The following RARB variants were observed in gnomAD, a reference collection of about 807,000 sequenced individuals.
RARB encodes the protein HBV-activated protein.
Under a neutral mutation model 51.9 loss-of-function variants are expected in RARB, and 17 were observed. The ratio of observed to expected loss-of-function variants is 0.33; its 90% CI spans 0.22 to 0.49. The LOEUF (loss-of-function observed/expected upper bound fraction) is 0.49. Ranked by LOEUF, RARB falls within the 20% of genes least tolerant of loss-of-function variation. The probability of loss-of-function intolerance (pLI) is 0.99; values close to 1 mark genes in which losing one functional copy is unlikely to be tolerated. For synonymous variants in RARB, 215 were observed against 195.4 expected, an observed-to-expected ratio of 1.10 and a Z score of -0.84; for missense variants, 369 against 550.8, an observed-to-expected ratio of 0.67 and a Z score of 3.30.
At chr3:25,470,540 G>A (rs1695633482) in intron 2 of RARB, among the ~76,000 whole-genome samples, 1 of 152,190 alleles carries the variant, frequency 6.6e-6, no homozygotes, top group Non-Finnish European at 1.5e-5. Context: ...CCAGGCAAAA[G>A]TTGAAGATGG....
At chr3:25,327,219 A>T (rs1378091154) in intron 5 of RARB, among the ~76,000 whole-genome samples, 1 of 152,180 alleles carries the variant, frequency 6.6e-6, no homozygotes, top group Non-Finnish European at 1.5e-5. Flanking sequence ...AATGGGAAGA[A>T]ATTATTTTTT....
chr3:25,204,920 C>A (rs191606197), intron 5 of RARB, among the ~76,000 whole-genome samples: 8 of 152,286 alleles, frequency 5.3e-5, no homozygotes, highest in South Asian at 2.1e-4. Flanking sequence ...TCTCAAGCTG[C>A]GTGCTGGGAG....
At chr3:25,573,017 G>C (rs911331936) in intron 4 of RARB, among the ~76,000 whole-genome samples, 1 of 152,052 alleles carries the variant, frequency 6.6e-6, no homozygotes, top group Non-Finnish European at 1.5e-5. Context: ...CCACTCCTGC[G>C]AGCGGTCCCT....
intron 2 of RARB, among the ~76,000 whole-genome samples, chr3:25,471,037 T>G (rs1695661357): frequency 6.6e-6 from 1 of 152,238 alleles, no homozygotes; most frequent in South Asian, 2.1e-4. Flanking sequence ...TAAGATATAA[T>G]TGTATAATAA....
At chr3:25,136,602 A>G (rs778177997) in intron 4 of RARB, among the ~76,000 whole-genome samples, 4 of 152,124 alleles carry the variant, frequency 2.6e-5, no homozygotes, top group Non-Finnish European at 5.9e-5. Flanking sequence ...TGAAATGGCC[A>G]TAGAAAATCA....
intron 2 of RARB, among the ~76,000 whole-genome samples, chr3:25,017,545 C>G (rs887618585): frequency 6.6e-6 from 1 of 152,158 alleles, no homozygotes; most frequent in Non-Finnish European, 1.5e-5. Context: ...CACCTAATAA[C>G]TATCTTAACT....
chr3:25,589,317 G>C (rs1187946891), intron 5 of RARB, among the ~76,000 whole-genome samples: 1 of 152,196 alleles, frequency 6.6e-6, no homozygotes, highest in Non-Finnish European at 1.5e-5. Context: ...AAGTTCATGA[G>C]CAAAGGAAAG....
intron 5 of RARB, among the ~76,000 whole-genome samples, chr3:25,368,015 T>G (rs561955691): frequency 9.9e-5 from 15 of 152,264 alleles, no homozygotes; most frequent in African/African-American, 2.9e-4. Flanking sequence ...AAATATTTTT[T>G]AAGCCTAAGT....
chr3:25,405,289 AAGG>A, intron 5 of RARB, among the ~76,000 whole-genome samples: 1 of 152,236 alleles, frequency 6.6e-6, no homozygotes, highest in East Asian at 1.9e-4. Context: ...GAGGCTGTGG[AAGG>A]AGGATTGCTT....
intron 3 of RARB, among the ~76,000 whole-genome samples, chr3:25,130,639 G>T (rs899073358): frequency 6.6e-6 from 1 of 151,836 alleles, no homozygotes; most frequent in Non-Finnish European, 1.5e-5. Flanking sequence ...GGACCTGGGT[G>T]TGGGGGAATT....
intron 4 of RARB, among the ~76,000 whole-genome samples, chr3:25,172,183 G>T (rs189610543): frequency 3.2e-4 from 48 of 152,256 alleles, no homozygotes; most frequent in African/African-American, 1.1e-3. Context: ...CAAGGCCCTG[G>T]GGCAGATGTC....
At chr3:25,317,862 G>T (rs1049080565) in intron 5 of RARB, among the ~76,000 whole-genome samples, 3 of 152,132 alleles carry the variant, frequency 2.0e-5, no homozygotes, top group Admixed American at 2.0e-4. Flanking sequence ...TTTACACTAT[G>T]AATCACATGT....
At chr3:25,036,404 A>G (rs1697996318) in intron 2 of RARB, among the ~76,000 whole-genome samples, 1 of 152,162 alleles carries the variant, frequency 6.6e-6, no homozygotes, top group South Asian at 2.1e-4. Flanking sequence ...AATGTATAGC[A>G]TTTTTACTCT....
intron 1 of RARB, among the ~76,000 whole-genome samples, chr3:24,855,952 G>T (rs978490255): frequency 1.3e-5 from 2 of 151,884 alleles, no homozygotes; most frequent in Admixed American, 1.3e-4. Context: ...GGGTTTCACT[G>T]TGTTAGCCAG....
chr3:25,383,554 G>T (rs1002265156), intron 5 of RARB, among the ~76,000 whole-genome samples: 3 of 152,180 alleles, frequency 2.0e-5, no homozygotes, highest in South Asian at 2.1e-4. Context: ...TTTGTATGAT[G>T]ATGCAAATGT....
At chr3:25,589,723 T>C (rs1174289144) in intron 5 of RARB, among the ~76,000 whole-genome samples, 2 of 152,186 alleles carry the variant, frequency 1.3e-5, no homozygotes, top group Non-Finnish European at 2.9e-5. Flanking sequence ...AGAAGGCTCT[T>C]TTTGCCCTGA....
rs547919837 is a variant in RARB at position 25,310,476 on chromosome 3, G to C, written c.178+135901G>C. ...AAAAGTCTCTACCCTTGTGGAAATA[G>C]GGGGTTTGGACATTTCATGTAGTAA... On this transcript the variant is annotated intron_variant, in intron 5 of 11. Transcript: ENST00000383772. Among the ~76,000 whole-genome samples the C allele has an allele frequency of 8.5e-5, 13 of 152,296 alleles. 1 individual carries two copies. The highest frequency in any genetic ancestry group is 5.9e-4 in the Admixed American group (9 of 15,300).
At chr3:24,921,977 G>T (rs754264533) in intron 2 of RARB, among the ~76,000 whole-genome samples, 2 of 152,150 alleles carry the variant, frequency 1.3e-5, no homozygotes, top group Non-Finnish European at 2.9e-5. Flanking sequence ...AGATCTCAGC[G>T]GACAGTACTG....
At position 25,434,803 on chromosome 3, in the gene RARB, G is replaced by C. The variant is rs537450670; in HGVS notation, c.157+5915G>C. Among the ~76,000 whole-genome samples, 10 of 151,934 alleles carry C rather than the reference G, an allele frequency of 6.6e-5. No individual in the cohort carries two copies. In the South Asian group the frequency reaches 1.3e-3, roughly 19 times the overall value. On this transcript the variant is annotated intron_variant, in intron 1 of 7. Coordinates refer to ENST00000330688, the MANE Select transcript of RARB (RefSeq NM_000965.5). ...GATCTGCCCACCTCGGCCTCCCAAA[G>C]TGCTGAGATTACAGGCGTGAGCCAC...
Sources: gnomAD v4.1 joint callset for allele counts (sites outside exome capture counted in the v4.1 genomes callset) on GRCh38, gnomAD v4.1.1 for gene constraint, MANE v1.5 for transcripts, NCBI Gene and HGNC (gene_info 2026-07-23, HGNC 2026-07-21) for gene names.